Variants in FNIP1 observed in about 807,000 individuals in gnomAD.
FNIP1 encodes folliculin-interacting protein 1.
FNIP1 carries 40 observed loss-of-function variants against 124.5 expected under a neutral mutation model. That is an observed-to-expected ratio of 0.32 (90% CI 0.25 to 0.42). The LOEUF (loss-of-function observed/expected upper bound fraction) is 0.42, where lower values mean the gene tolerates loss of function less well. Ranked by LOEUF, FNIP1 falls within the 10% of genes least tolerant of loss-of-function variation. The probability of loss-of-function intolerance (pLI) is 1.00; values close to 1 mark genes in which losing one functional copy is unlikely to be tolerated. For missense variants in FNIP1, 1,176 were observed against 1,403.7 expected, an observed-to-expected ratio of 0.84 and a Z score of 2.59; for synonymous variants, 472 against 470.6, an observed-to-expected ratio of 1.00 and a Z score of -0.04.
chr5:131,659,485 G>A (rs533494591), intron 15 of FNIP1, among the ~76,000 whole-genome samples: 52 of 152,344 alleles, frequency 3.4e-4, no homozygotes, highest in South Asian at 3.3e-3. Context: ...TCTCCTTGAT[G>A]TCACACACGA....
At chr5:131,664,486 A>G (rs546156606) in intron 15 of FNIP1, among the ~76,000 whole-genome samples, 1 of 152,208 alleles carries the variant, frequency 6.6e-6, no homozygotes, top group South Asian at 2.1e-4. Flanking sequence ...AAATAAACAC[A>G]TTAGCCAGGC....
At chr5:131,682,390 C>T (rs1021540822) in intron 11 of FNIP1, among the ~76,000 whole-genome samples, 4 of 152,064 alleles carry the variant, frequency 2.6e-5, no homozygotes, top group African/African-American at 9.7e-5. Context: ...CAGTGCTTCT[C>T]ACTATATACA....
chr5:131,688,891 T>A (rs150105781), intron 11 of FNIP1, among the ~76,000 whole-genome samples: 108 of 151,878 alleles, frequency 7.1e-4, no homozygotes, highest in Middle Eastern at 3.4e-3. Context: ...AAAGTATACA[T>A]GTAATAAATA....
rs1223236396 is a variant in FNIP1, at chr5:131,644,262, A to C, written c.*423T>G. The C allele has an allele frequency of 6.5e-6, 1 of 152,882 alleles. No homozygotes were observed. Among genetic ancestry groups the C allele is most frequent in the Non-Finnish European group, 1.5e-5 (1 of 68,432 alleles). 9.5% of individuals were successfully genotyped at this position (152,882 alleles called of 1,614,324 possible). A position where few individuals can be genotyped will look rare whatever the true frequency, so the allele number is the denominator to read the frequency against. Reference sequence around the variant, plus strand: ...AAAACTAACAAATAATCAAGGTTTTATAGATCTCTGTACCTTAGAAATTAA... The same window carrying C: ...AAAACTAACAAATAATCAAGGTTTTCTAGATCTCTGTACCTTAGAAATTAA... On this transcript the variant is annotated 3_prime_UTR_variant, in exon 18 of 18. Transcript: ENST00000510461.
chr5:131,774,349 A>C (rs1019764426), intron 1 of FNIP1, among the ~76,000 whole-genome samples: 9 of 152,226 alleles, frequency 5.9e-5, no homozygotes, highest in African/African-American at 2.2e-4. Flanking sequence ...TTTAAAACAA[A>C]GCCAAAATAG....
At chr5:131,670,929 T>C (rs1767731344) in intron 14 of FNIP1, among the ~76,000 whole-genome samples, 1 of 152,178 alleles carries the variant, frequency 6.6e-6, no homozygotes, top group African/African-American at 2.4e-5. Flanking sequence ...AGTAATGAAG[T>C]GAGGATCAAT....
Position 131,651,957 on chromosome 5 carries a change from T to C in FNIP1, c.3151A>G (p.Ile1051Val). The C allele has an allele frequency of 6.2e-7, 1 of 1,614,118 alleles. No homozygotes were observed. Among genetic ancestry groups the C allele is most frequent in the South Asian group, 1.1e-5 (1 of 91,084 alleles). The change falls in exon 16 of 18, where the codon ATA (isoleucine) becomes GTA (valine). Residue 1051 changes from isoleucine to valine, a missense_variant. This residue lies in a region of FNIP1 where 1,109 missense variants were observed against 1,288.5 expected (regional missense o/e 0.86). Transcript: ENST00000510461. ...ACAGTCCATTTATCCATGTCAGCTATAATACAGACAGCTTCTGCTATTGGT... is the reference window on the plus strand; with the variant it reads ...ACAGTCCATTTATCCATGTCAGCTACAATACAGACAGCTTCTGCTATTGGT... ...DEPIAEAVCI[I>V]ADMDKWTVQV...
chr5:131,755,676 G>A (rs926226828), intron 1 of FNIP1, among the ~76,000 whole-genome samples: 3 of 152,016 alleles, frequency 2.0e-5, no homozygotes, highest in Admixed American at 1.3e-4. Flanking sequence ...GACTACTAGA[G>A]AGGAAAAGAA....
chr5:131,684,433 C>T (rs1376701840), intron 11 of FNIP1, among the ~76,000 whole-genome samples: 4 of 152,140 alleles, frequency 2.6e-5, no homozygotes, highest in Non-Finnish European at 5.9e-5. Flanking sequence ...GGTAGACCTC[C>T]TATTGAAAAT....
At chr5:131,644,860 C>A in intron 17 of FNIP1, 97 bp from the exon 18 acceptor site, 1 of 1,224,574 alleles carries the variant, frequency 8.2e-7, no homozygotes, top group South Asian at 1.3e-5. Flanking sequence ...CACTATACCT[C>A]AACGGTTAAG....
chr5:131,740,068 T>C (rs530383135), intron 2 of FNIP1, among the ~76,000 whole-genome samples: 3 of 152,334 alleles, frequency 2.0e-5, no homozygotes, highest in East Asian at 1.9e-4. Flanking sequence ...TGGACAACTT[T>C]ATAACATTGA....
At chr5:131,699,769 A>G (rs530873644) in intron 10 of FNIP1, among the ~76,000 whole-genome samples, 5 of 151,902 alleles carry the variant, frequency 3.3e-5, no homozygotes, top group African/African-American at 1.2e-4. Context: ...CATGAAAATT[A>G]GCCAGGTGTG....
At chr5:131,679,394 T>C (rs950491639) in intron 11 of FNIP1, among the ~76,000 whole-genome samples, 5 of 152,190 alleles carry the variant, frequency 3.3e-5, no homozygotes, top group African/African-American at 7.2e-5. Flanking sequence ...TCCCCACCAG[T>C]GACTGTGTGC....
intron 1 of FNIP1, among the ~76,000 whole-genome samples, chr5:131,793,345 A>G (rs1213771626): frequency 6.6e-6 from 1 of 152,112 alleles, no homozygotes; most frequent in African/African-American, 2.4e-5. Context: ...CAAAATAATC[A>G]CTTTTATATG....
chr5:131,656,728 GT>G (rs1767203855), intron 15 of FNIP1, among the ~76,000 whole-genome samples: 1 of 152,110 alleles, frequency 6.6e-6, no homozygotes, highest in African/African-American at 2.4e-5. Flanking sequence ...GCCTGAACAG[GT>G]TTTTATTGCT....
chr5:131,686,492 G>A (rs79602887), intron 11 of FNIP1, among the ~76,000 whole-genome samples: 4,606 of 152,216 alleles, frequency 0.03, 233 homozygotes, highest in African/African-American at 0.1. Context: ...GACTACAGGT[G>A]CACGCCACTT....
At chr5:131,644,912 TA>T in intron 17 of FNIP1, 149 bp from the exon 18 acceptor site, 1 of 649,572 alleles carries the variant, frequency 1.5e-6, no homozygotes, top group Non-Finnish European at 2.7e-6. Context: ...TCTCAGTAAA[TA>T]AAACACAGAA....
chr5:131,664,540 A>T (rs1307779015), intron 15 of FNIP1, among the ~76,000 whole-genome samples: 1 of 146,710 alleles, frequency 6.8e-6, no homozygotes, highest in African/African-American at 2.5e-5. Context: ...GCAAGCTGAG[A>T]TGGGAGATTG....
At chr5:131,767,825 G>A (rs3775993) in intron 1 of FNIP1, among the ~76,000 whole-genome samples, 1 of 152,152 alleles carries the variant, frequency 6.6e-6, no homozygotes, top group Non-Finnish European at 1.5e-5. Flanking sequence ...TATCAATTTA[G>A]GACTTATTTG....
Sources: allele counts gnomAD v4.1 joint callset (sites outside exome capture counted in the v4.1 genomes callset), GRCh38; gene constraint gnomAD v4.1.1; regional missense constraint gnomAD v4.1.1; transcripts MANE v1.5; gene names NCBI Gene and HGNC (gene_info 2026-07-23, HGNC 2026-07-21).